The following CRYBB1 variants were observed in gnomAD, a reference collection of about 807,000 sequenced individuals.
CRYBB1 encodes beta-crystallin B1.
CRYBB1 carries 16 observed loss-of-function variants against 29.5 expected under a neutral mutation model. The ratio of observed to expected loss-of-function variants is 0.54; its 90% confidence interval spans 0.37 to 0.82. CRYBB1 has a LOEUF of 0.82. Among genes scored for constraint, CRYBB1 ranks in the 40% least tolerant of loss-of-function variants. The pLI, the probability that CRYBB1 is intolerant of heterozygous loss-of-function variation, is 0.00. For missense variants in CRYBB1, 300 were observed against 350.5 expected (o/e 0.86, Z 1.15); for synonymous variants, 127 against 136.7 (o/e 0.93, Z 0.49).
intron 5 of CRYBB1, among the ~76,000 whole-genome samples, 155 bp downstream of exon 5, chr22:26,601,724 C>T (rs1264034255): frequency 6.6e-6 from 1 of 151,708 alleles, no homozygotes; most frequent in Non-Finnish European, 1.5e-5. Context: ...AGGAATAGAG[C>T]TCTGTTGGCT....
chr22:26,608,769 C>T (rs143839471), intron 3 of CRYBB1, among the ~76,000 whole-genome samples: 2 of 152,190 alleles, frequency 1.3e-5, no homozygotes, highest in East Asian at 3.9e-4. Flanking sequence ...TGGGTAAATA[C>T]TGGCCTGGTA....
intron 2 of CRYBB1, among the ~76,000 whole-genome samples, chr22:26,615,659 GC>G (rs1569207972): frequency 6.6e-6 from 1 of 151,952 alleles, no homozygotes; most frequent in East Asian, 1.9e-4. Context: ...GATTACAGGC[GC>G]CCACCACTAC....
intron 4 of CRYBB1, among the ~76,000 whole-genome samples, chr22:26,602,413 G>A (rs1399968463): frequency 1.3e-5 from 2 of 151,852 alleles, no homozygotes; most frequent in African/African-American, 2.4e-5. Context: ...GCAAGATCCT[G>A]TCTCTCAAAA....
Position 26,612,227 on chromosome 22 carries a change from A to AG in CRYBB1, c.181-38dup, listed in dbSNP as rs750569727. 8 of 1,415,528 alleles carry AG rather than the reference A, an allele frequency of 5.7e-6. No homozygotes were observed. In the South Asian group the frequency reaches 8.0e-5, roughly 14 times the overall value. The allele number at this position is 1,415,528 out of a possible 1,614,324, so 87.7% of individuals were successfully genotyped here. ...AAGCCCCCATGCCAAGGGCAGAGTG[A>AG]GGGGGGAGTCAAAAATTCATTAAGT... On this transcript the variant is annotated intron_variant, in intron 2 of 5. Coordinates refer to ENST00000647684, the MANE Select transcript of CRYBB1 (RefSeq NM_001887.4).
Position 26,599,594 on chromosome 22 carries a change from A to G in CRYBB1, c.655T>C (p.Trp219Arg). 4 of 1,614,072 alleles carry G rather than the reference A, an allele frequency of 2.5e-6. No individual in the cohort carries two copies. Among genetic ancestry groups the G allele is most frequent in the Non-Finnish European group, 3.4e-6 (4 of 1,179,964 alleles). The change falls in exon 6 of 6, where the codon TGG (tryptophan) becomes CGG (arginine). Residue 219 changes from tryptophan (W) to arginine (R), a missense_variant. Trp to Arg is a moderately radical substitution (Grantham distance 101, BLOSUM62 -3). Transcript: ENST00000647684. ...EPGDFRHWNE[W>R]GAFQPQMQSL... ...TGCATCTGTGGCTGGAAGGCTCCCC[A>G]CTCATTCCAGTGCCGGAAGTCACCA...
chr22:26,602,225 G>A (rs1053898730), intron 4 of CRYBB1, among the ~76,000 whole-genome samples: 2 of 152,132 alleles, frequency 1.3e-5, no homozygotes, highest in Non-Finnish European at 2.9e-5. Flanking sequence ...TCCTCGTGAG[G>A]ATGAAATGAG....
chr22:26,615,908 A>C (rs2145972713), intron 2 of CRYBB1, among the ~76,000 whole-genome samples: 2 of 152,162 alleles, frequency 1.3e-5, no homozygotes, highest in East Asian at 3.9e-4. Flanking sequence ...AGGGAGGAGG[A>C]GGCCAAGGTG....
intron 5 of CRYBB1, among the ~76,000 whole-genome samples, chr22:26,600,508 C>A (rs1325310380): frequency 6.6e-6 from 1 of 152,174 alleles, no homozygotes; most frequent in Non-Finnish European, 1.5e-5. Flanking sequence ...CTAGCTCTGC[C>A]ATTGATTTAC....
chr22:26,616,281 C>T lies in CRYBB1; in HGVS notation c.39G>A (p.Val13=), dbSNP rs1929352176. 3 of 1,613,968 alleles carry T rather than the reference C, an allele frequency of 1.9e-6. No homozygotes were observed. Among genetic ancestry groups the T allele is most frequent in the East Asian group, 2.2e-5 (1 of 44,888 alleles). Residue 13 remains valine, a synonymous_variant, in exon 2 of 6, where the codon GTG becomes GTA. Coordinates refer to ENST00000647684, the MANE Select transcript of CRYBB1 (RefSeq NM_001887.4). ...TGGTGTCAGGCCCTGGGTTCACCGC[C>T]ACTGTGGCCGAGGCCGAGGCCTTTG... ...QAAKASASAT[V]AVNPGPDTKG...
At chr22:26,602,091 C>A in intron 4 of CRYBB1, 70 bp from the exon 5 acceptor site, 2 of 1,590,144 alleles carry the variant, frequency 1.3e-6, no homozygotes, top group Non-Finnish European at 1.7e-6. Context: ...TTAGCGGGGC[C>A]TTCTGGGTGT....
intron 1 of CRYBB1, among the ~76,000 whole-genome samples, 166 bp downstream of exon 1, chr22:26,617,811 C>A (rs1437664847): frequency 6.6e-6 from 1 of 151,892 alleles, no homozygotes; most frequent in Non-Finnish European, 1.5e-5. Context: ...CTCACTCTCT[C>A]CCCTCTCCCT....
In CRYBB1 at chr22:26,599,596, T is replaced by C; in HGVS notation, c.653A>G (p.Glu218Gly). 6.2e-7 allele frequency: 1 copy of C among 1,614,138 alleles called. No individual in the cohort carries two copies. The highest frequency in any genetic ancestry group is 8.5e-7 in the Non-Finnish European group (1 of 1,179,982). The change falls in exon 6 of 6, where the codon GAG (glutamate) becomes GGG (glycine). Residue 218 changes from glutamate to glycine, a missense_variant. Glu to Gly is a moderately conservative substitution (Grantham distance 98, BLOSUM62 -2). Transcript: ENST00000647684. ...LEPGDFRHWN[E>G]WGAFQPQMQS... ...CATCTGTGGCTGGAAGGCTCCCCAC[T>C]CATTCCAGTGCCGGAAGTCACCAGG...
intron 3 of CRYBB1, among the ~76,000 whole-genome samples, chr22:26,610,390 C>T (rs1206173263): frequency 1.3e-5 from 2 of 152,170 alleles, no homozygotes; most frequent in African/African-American, 2.4e-5. Context: ...CCCAGGCCCC[C>T]GGACCACAGG....
At chr22:26,610,439 C>T (rs1033506455) in intron 3 of CRYBB1, among the ~76,000 whole-genome samples, 4 of 152,100 alleles carry the variant, frequency 2.6e-5, no homozygotes, top group Admixed American at 6.5e-5. Context: ...CCAAGGCACA[C>T]GTCAGACACC....
rs1207336621 is a variant in CRYBB1, at chr22:26,617,981, G to A, written c.-24C>T. 6.5e-6 allele frequency: 1 copy of A among 153,224 alleles called. No homozygotes were observed. The highest frequency in any genetic ancestry group is 1.5e-5 in the Non-Finnish European group (1 of 68,492). 9.5% of individuals were successfully genotyped at this position (153,224 alleles called of 1,614,324 possible). On this transcript the variant is annotated 5_prime_UTR_variant, in exon 1 of 6. Coordinates refer to ENST00000647684, the MANE Select transcript of CRYBB1 (RefSeq NM_001887.4). ...GGGCTGTGGGTTCCCTCTTACCTGG[G>A]GACTTGCTACTTCCTGCTGGAGGAC...
chr22:26,612,329 C>T (rs965697644), intron 2 of CRYBB1, 139 bp from the exon 3 acceptor site: 66 of 651,962 alleles, frequency 1.0e-4, no homozygotes, highest in Non-Finnish European at 1.8e-4. Flanking sequence ...ATGATCCTGT[C>T]CTCCCATCCC....
At chr22:26,609,836 A>T (rs1386269819) in intron 3 of CRYBB1, among the ~76,000 whole-genome samples, 2 of 152,190 alleles carry the variant, frequency 1.3e-5, no homozygotes, top group African/African-American at 4.8e-5. Flanking sequence ...GGCAGCACTT[A>T]CACCTGCTAA....
At chr22:26,614,215 G>C (rs1053840638) in intron 2 of CRYBB1, among the ~76,000 whole-genome samples, 1 of 152,128 alleles carries the variant, frequency 6.6e-6, no homozygotes, top group African/African-American at 2.4e-5. Context: ...ACCTTGTAAA[G>C]TACTTGATGT....
intron 5 of CRYBB1, 95 bp downstream of exon 5, chr22:26,601,784 C>A: frequency 6.3e-7 from 1 of 1,589,978 alleles, no homozygotes; most frequent in Non-Finnish European, 8.5e-7. Context: ...ATGGCCTTCT[C>A]TAGGAATCTG....
Sources: allele counts gnomAD v4.1 joint callset (sites outside exome capture counted in the v4.1 genomes callset), GRCh38; gene constraint gnomAD v4.1.1; transcripts MANE v1.5; gene names NCBI Gene and HGNC (gene_info 2026-07-23, HGNC 2026-07-21).